MGST1: variants seen among roughly 807,000 people sequenced by gnomAD.
MGST1 encodes the protein glutathione S-transferase 12.
A neutral mutation model predicts 8.9 loss-of-function variants in MGST1; 5 were observed. The observed-to-expected ratio is 0.56, with a 90% confidence interval of 0.29 to 1.19. The LOEUF is 1.19. Among genes scored for constraint, MGST1 ranks in the 50% most tolerant of loss-of-function variants. MGST1 has a pLI of 0.08. For missense variants in MGST1, 182 were observed against 187.4 expected (o/e 0.97, Z 0.17); for synonymous variants, 54 against 67.8 (o/e 0.80, Z 1.00).
At chr12:16,492,146 T>A (rs143056972) in intron 4 of MGST1, among the ~76,000 whole-genome samples, 1 of 152,234 alleles carries the variant, frequency 6.6e-6, no homozygotes, top group Non-Finnish European at 1.5e-5. Context: ...ATATGTAGGA[T>A]GGTAGATTCA....
chr12:16,383,907 A>C (rs1940480438), intron 1 of MGST1, among the ~76,000 whole-genome samples: 1 of 152,186 alleles, frequency 6.6e-6, no homozygotes. Flanking sequence ...CTCTTTCTTA[A>C]ACCATACAGG....
intron 1 of MGST1, among the ~76,000 whole-genome samples, chr12:16,434,371 A>T (rs1441140072): frequency 1.3e-5 from 2 of 152,022 alleles, no homozygotes; most frequent in African/African-American, 4.8e-5. Context: ...AACAACGGAA[A>T]TTTCTAGTTC....
At chr12:16,357,505 G>T in intron 2 of MGST1, 100 bp from the exon 3 acceptor site, 1 of 854,088 alleles carries the variant, frequency 1.2e-6, no homozygotes, top group Non-Finnish European at 1.8e-6. Context: ...TTGGGCTCAA[G>T]CAATCCTGCC....
At chr12:16,435,824 C>A (rs1940980322) in intron 1 of MGST1, among the ~76,000 whole-genome samples, 2 of 151,814 alleles carry the variant, frequency 1.3e-5, no homozygotes, top group African/African-American at 4.8e-5. Context: ...AATATAGAAT[C>A]TAATGTTGTC....
chr12:16,445,236 A>G (rs1941070250), intron 4 of MGST1, among the ~76,000 whole-genome samples: 1 of 151,784 alleles, frequency 6.6e-6, no homozygotes, highest in Admixed American at 6.6e-5. Flanking sequence ...AAAGGCTAGT[A>G]GGGATTGTAA....
intron 4 of MGST1, among the ~76,000 whole-genome samples, chr12:16,536,222 T>C (rs1941756415): frequency 6.6e-6 from 1 of 152,028 alleles, no homozygotes; most frequent in Admixed American, 6.6e-5. Flanking sequence ...AGTTAAAAAA[T>C]TATTTTAACC....
At chr12:16,391,186 A>G (rs1466406305) in intron 1 of MGST1, among the ~76,000 whole-genome samples, 2 of 149,210 alleles carry the variant, frequency 1.3e-5, no homozygotes, top group African/African-American at 5.0e-5. Context: ...ATACATGTGC[A>G]GAACGAGCAG....
At chr12:16,358,808 T>TTTTTTTTTTC (rs1565436388) in intron 3 of MGST1, among the ~76,000 whole-genome samples, 1 of 106,870 alleles carries the variant, frequency 9.4e-6, no homozygotes, top group African/African-American at 3.4e-5. Context: ...TTTTTTTTTT[T>TTTTTTTTTTC]ACAGCTGTGT....
At chr12:16,542,898 C>G (rs1565472192) in intron 4 of MGST1, among the ~76,000 whole-genome samples, 1 of 152,188 alleles carries the variant, frequency 6.6e-6, no homozygotes, top group Admixed American at 6.5e-5. Flanking sequence ...GGGGTGGTCT[C>G]TATACAAACA....
intron 1 of MGST1, among the ~76,000 whole-genome samples, chr12:16,420,235 G>GCT (rs1565450951): frequency 1.1e-3 from 173 of 152,174 alleles, no homozygotes; most frequent in African/African-American, 3.8e-3. Context: ...ACATCATCAA[G>GCT]ATGCCCACTT....
intron 1 of MGST1, among the ~76,000 whole-genome samples, chr12:16,384,581 TCTGACCTC>T: frequency 6.6e-6 from 1 of 152,354 alleles, no homozygotes; most frequent in African/African-American, 2.4e-5. Context: ...ATTTCAGGTT[TCTGACCTC>T]CTGAACTGGG....
At position 16,513,756 on chromosome 12, in the gene MGST1, G is replaced by A; in HGVS notation, n.483-75772G>A. On this transcript the variant is annotated intron_variant and non_coding_transcript_variant, in intron 4 of 4. Transcript: ENST00000538857. This position sits in a 1 kb window ranked among gnomAD's most constrained non-coding sequence, Gnocchi z 4.2. Reference sequence around the variant, plus strand: ...ATAGCGAAGTCTCGAAAAGTGGCCGGTTTGTCACTGTGCAGACCATTTCTG... The same window carrying A: ...ATAGCGAAGTCTCGAAAAGTGGCCGATTTGTCACTGTGCAGACCATTTCTG... 1.7e-6 allele frequency: 1 copy of A among 579,074 alleles called. No individual in the cohort carries two copies. The highest frequency in any genetic ancestry group is 3.4e-6 in the Non-Finnish European group (1 of 290,016). The allele number at this position is 579,074 out of a possible 1,614,324, so 35.9% of individuals were successfully genotyped here.
intron 1 of MGST1, among the ~76,000 whole-genome samples, chr12:16,349,582 A>G (rs1347073548): frequency 6.6e-6 from 1 of 152,126 alleles, no homozygotes; most frequent in East Asian, 1.9e-4. Context: ...CTAAAGGTAG[A>G]AAAAAATATT....
chr12:16,499,676 C>G (rs1263162635), intron 4 of MGST1, among the ~76,000 whole-genome samples: 1 of 151,838 alleles, frequency 6.6e-6, no homozygotes, highest in Non-Finnish European at 1.5e-5. Context: ...ATTTGATTCG[C>G]TGTCTTATAA....
intron 1 of MGST1, among the ~76,000 whole-genome samples, chr12:16,390,672 T>C (rs909050048): frequency 2.0e-5 from 3 of 152,244 alleles, no homozygotes; most frequent in Non-Finnish European, 1.5e-5. Context: ...CATCATTCCA[T>C]GGTGTATATG....
rs1397125824 is a variant in MGST1 at position 16,586,834 on chromosome 12, T to A, written n.483-2694T>A. Among the ~76,000 whole-genome samples, 1 of 152,190 alleles carries A rather than the reference T, an allele frequency of 6.6e-6. No individual in the cohort carries two copies. The highest frequency in any genetic ancestry group is 2.4e-5 in the African/African-American group (1 of 41,452). On this transcript the variant is annotated intron_variant and non_coding_transcript_variant, in intron 4 of 4. Coordinates refer to the MGST1 transcript ENST00000538857. This position sits in a 1 kb window ranked among gnomAD's most constrained non-coding sequence, Gnocchi z 4.3. ...ACATGTAAGCCATACACAGTTGGCA[T>A]CAAATATTACTGGATGACAGATTTG...
At chr12:16,440,303 G>C (rs1941028536), downstream of MGST1, among the ~76,000 whole-genome samples, 1 of 151,618 alleles carries the variant, frequency 6.6e-6, no homozygotes, top group African/African-American at 2.4e-5. Context: ...CTTGGGTATA[G>C]AGTTTAATAA....
intron 1 of MGST1, among the ~76,000 whole-genome samples, chr12:16,395,799 A>ATG (rs1940600634): frequency 7.0e-6 from 1 of 143,368 alleles, no homozygotes; most frequent in Non-Finnish European, 1.5e-5. Context: ...ATATATATAT[A>ATG]TATATACACA....
rs184707411 is a variant in MGST1, at chr12:16,496,883, G to A, written n.483-92645G>A. Among the ~76,000 whole-genome samples, 31 of 152,164 alleles carry A rather than the reference G, an allele frequency of 2.0e-4. No homozygotes were observed. In the East Asian group the frequency reaches 6.0e-3, roughly 29 times the overall value. On this transcript the variant is annotated intron_variant and non_coding_transcript_variant, in intron 4 of 4. Transcript: ENST00000538857. ...AAAAATAAAAAGAAAACATATAGGAGGTTAAATGAGACACAAACAAGAAGT... is the reference window on the plus strand; with the variant it reads ...AAAAATAAAAAGAAAACATATAGGAAGTTAAATGAGACACAAACAAGAAGT...
Sources: allele counts gnomAD v4.1 joint callset (sites outside exome capture counted in the v4.1 genomes callset), GRCh38; gene constraint gnomAD v4.1.1; non-coding constraint Gnocchi (gnomAD v3.1); transcripts MANE v1.5; gene names NCBI Gene and HGNC (gene_info 2026-07-23, HGNC 2026-07-21).